Variants in ANK3 observed in about 807,000 individuals in gnomAD.
ANK3 encodes ankyrin 3, also known as ankyrin-3.
ANK3 carries 57 observed loss-of-function variants against 370.9 expected under a neutral mutation model. The ratio of observed to expected loss-of-function variants is 0.15; its 90% confidence interval spans 0.12 to 0.19. The LOEUF is 0.19. Ranked by LOEUF, ANK3 falls within the 10% of genes least tolerant of loss-of-function variation. The pLI, the probability that ANK3 is intolerant of heterozygous loss-of-function variation, is 1.00. For missense variants in ANK3, 4,439 were observed against 5,302.1 expected (o/e 0.84, Z 5.06); for synonymous variants, 1,929 against 1,946.3 (o/e 0.99, Z 0.23).
At chr10:60,536,126 A>G (rs35659952) in intron 2 of ANK3, among the ~76,000 whole-genome samples, 1,921 of 152,236 alleles carry the variant, frequency 0.013, 26 homozygotes, top group Middle Eastern at 0.024. Context: ...ACTACTTTCA[A>G]CAAGTTTATC....
intron 1 of ANK3, among the ~76,000 whole-genome samples, chr10:60,618,340 T>C (rs1271129817): frequency 6.6e-6 from 1 of 152,206 alleles, no homozygotes; most frequent in Non-Finnish European, 1.5e-5. Flanking sequence ...ATGGCTAGTT[T>C]ATTAGCTTAC....
intron 1 of ANK3, among the ~76,000 whole-genome samples, chr10:60,324,642 G>A (rs1447582132): frequency 1.3e-5 from 2 of 152,086 alleles, no homozygotes; most frequent in African/African-American, 4.8e-5. Context: ...GAAGCCCAGA[G>A]ACCCGTAAGT....
chr10:60,227,557 C>T (rs750005536), intron 8 of ANK3, among the ~76,000 whole-genome samples: 1 of 152,188 alleles, frequency 6.6e-6, no homozygotes. Flanking sequence ...TAGATTTAGT[C>T]GACTTGCTAT....
At chr10:60,314,515 AC>A in intron 1 of ANK3, among the ~76,000 whole-genome samples, 1 of 152,302 alleles carries the variant, frequency 6.6e-6, no homozygotes, top group African/African-American at 2.4e-5. Flanking sequence ...AAATGAGGGC[AC>A]ACTTCTGGGA....
intron 1 of ANK3, among the ~76,000 whole-genome samples, chr10:60,634,967 C>CT (rs978926869): frequency 2.2e-4 from 34 of 152,188 alleles, no homozygotes; most frequent in African/African-American, 2.9e-4. Flanking sequence ...TCTTTAAGAA[C>CT]TTTAACACTC....
intron 1 of ANK3, among the ~76,000 whole-genome samples, chr10:60,311,551 G>A (rs1370870145): frequency 6.6e-6 from 1 of 151,478 alleles, no homozygotes; most frequent in East Asian, 1.9e-4. Context: ...CTCCAATTGG[G>A]AGAATGGGGG....
At chr10:60,435,516 T>A (rs1031663877) in intron 2 of ANK3, among the ~76,000 whole-genome samples, 1 of 152,178 alleles carries the variant, frequency 6.6e-6, no homozygotes, top group African/African-American at 2.4e-5. Context: ...ATTTTCATTT[T>A]AAAAAATATA....
At chr10:60,519,715 G>A (rs904227555) in intron 2 of ANK3, among the ~76,000 whole-genome samples, 3 of 152,054 alleles carry the variant, frequency 2.0e-5, no homozygotes, top group Non-Finnish European at 4.4e-5. Context: ...AGATACTGGG[G>A]ACACTGGGCA....
At chr10:60,277,205 C>T (rs1356937760) in intron 4 of ANK3, among the ~76,000 whole-genome samples, 2 of 152,120 alleles carry the variant, frequency 1.3e-5, no homozygotes, top group African/African-American at 4.8e-5. Flanking sequence ...GAAGTCACTA[C>T]AATTCTGTGA....
At chr10:60,676,308 G>GAT (rs1426940338) in intron 1 of ANK3, among the ~76,000 whole-genome samples, 1 of 152,044 alleles carries the variant, frequency 6.6e-6, no homozygotes, top group East Asian at 1.9e-4. Flanking sequence ...GGCTTAAAAG[G>GAT]ATATATGTGT....
chr10:60,609,646 T>C (rs951554998), intron 2 of ANK3, among the ~76,000 whole-genome samples: 8 of 152,042 alleles, frequency 5.3e-5, no homozygotes, highest in African/African-American at 1.9e-4. Context: ...CAGTGACATA[T>C]TACACAATGC....
chr10:60,532,714 A>G (rs1230685487), intron 2 of ANK3, among the ~76,000 whole-genome samples: 3 of 152,202 alleles, frequency 2.0e-5, no homozygotes, highest in East Asian at 3.9e-4. Flanking sequence ...TCTTTGGACC[A>G]CAGGTTTTCA....
rs2083399752 is a variant in ANK3, at chr10:60,074,666, A to G, written c.6215T>C (p.Ile2072Thr). The G allele has an allele frequency of 3.1e-6, 5 of 1,613,464 alleles. No homozygotes were observed. Among genetic ancestry groups the G allele is most frequent in the African/African-American group, 1.3e-5 (1 of 74,860 alleles). The change falls in exon 37 of 44, where the codon ATT (isoleucine) becomes ACT (threonine). Residue 2072 changes from isoleucine (I) to threonine (T), a missense_variant. Around this residue, in one of 13 missense-constraint regions of ANK3, gnomAD observed 679 missense variants for 791.0 expected, o/e 0.86. Coordinates refer to ENST00000280772, the MANE Select transcript of ANK3 (RefSeq NM_020987.5). Reference sequence around the variant, plus strand: ...TTTGAGTTTGTGTTCCTGCAAAGCAATTGCTGGTTTTAAAACTCTTTTCTG... The same window carrying G: ...TTTGAGTTTGTGTTCCTGCAAAGCAGTTGCTGGTTTTAAAACTCTTTTCTG... ...ERQKRVLKPA[I>T]ALQEHKLKMP...
intron 2 of ANK3, among the ~76,000 whole-genome samples, chr10:60,450,145 A>G (rs1471374000): frequency 6.6e-6 from 1 of 152,010 alleles, no homozygotes; most frequent in Non-Finnish European, 1.5e-5. Flanking sequence ...AAAAATAAAA[A>G]ATTAGCTGGT....
In ANK3 at chr10:60,070,272, T is replaced by C. The variant is rs1463240651; in HGVS notation, c.10609A>G (p.Thr3537Ala). Residue 3537 changes from threonine (T) to alanine (A), a missense_variant, in exon 37 of 44, where the codon ACC becomes GCC. This residue lies in a region of ANK3 where 1,601 missense variants were observed against 1,731.7 expected (regional missense o/e 0.92). Coordinates refer to ENST00000280772, the MANE Select transcript of ANK3 (RefSeq NM_020987.5). The surrounding 1 kb of genome is among the most constrained non-coding windows in gnomAD (Gnocchi z 5.7). ...EFATPFKTVA[T>A]KGLDFDPWSN... ...CAAGGGTCAAAATCTAGACCTTTGG[T>C]AGCTACTGTTTTAAAAGGAGTGGCA... is the stretch of plus-strand genomic sequence containing the variant. 6.2e-7 allele frequency: 1 copy of C among 1,614,116 alleles called. No individual in the cohort carries two copies. Among genetic ancestry groups the C allele is most frequent in the East Asian group, 2.2e-5 (1 of 44,866 alleles).
intron 13 of ANK3, among the ~76,000 whole-genome samples, chr10:60,199,213 A>G (rs926939576): frequency 1.3e-5 from 2 of 152,226 alleles, no homozygotes; most frequent in South Asian, 4.1e-4. Context: ...AATTTGCTCA[A>G]AGATCCCTGT....
intron 23 of ANK3, among the ~76,000 whole-genome samples, chr10:60,165,840 T>A (rs952852598): frequency 5.3e-5 from 8 of 152,150 alleles, no homozygotes; most frequent in African/African-American, 1.9e-4. Context: ...AACAGTTAAA[T>A]ATAATTTTCC....
intron 1 of ANK3, among the ~76,000 whole-genome samples, chr10:60,648,640 T>C (rs1475283203): frequency 6.6e-6 from 1 of 150,842 alleles, no homozygotes; most frequent in Non-Finnish European, 1.5e-5. Flanking sequence ...TGTGGTGGCG[T>C]GTGCCTGTAG....
intron 2 of ANK3, among the ~76,000 whole-genome samples, chr10:60,598,904 T>A (rs1462443532): frequency 6.6e-6 from 1 of 152,138 alleles, no homozygotes; most frequent in African/African-American, 2.4e-5. Context: ...GTTTTAACAT[T>A]GTGTGTCTGG....
Sources: gnomAD v4.1 joint callset for allele counts (sites outside exome capture counted in the v4.1 genomes callset) on GRCh38, gnomAD v4.1.1 for gene constraint, gnomAD v4.1.1 regional missense constraint, Gnocchi (gnomAD v3.1) non-coding constraint, MANE v1.5 for transcripts, NCBI Gene and HGNC (gene_info 2026-07-23, HGNC 2026-07-21) for gene names.